The following OSER1 variants were observed in gnomAD, a reference collection of about 807,000 sequenced individuals.
OSER1 encodes the protein oxidative stress-responsive serine-rich protein 1.
Under a neutral mutation model 26.3 loss-of-function variants are expected in OSER1, and 15 were observed. The ratio of observed to expected loss-of-function variants is 0.57; its 90% CI spans 0.38 to 0.88. The LOEUF is 0.88. Ranked by LOEUF, OSER1 falls within the 40% of genes least tolerant of loss-of-function variation. OSER1 has a pLI of 0.00. For missense variants in OSER1, 313 were observed against 353.9 expected (o/e 0.88, Z 0.93); for synonymous variants, 127 against 128.2 (o/e 0.99, Z 0.07).
intron 2 of OSER1, among the ~76,000 whole-genome samples, chr20:44,203,655 C>G: frequency 6.6e-6 from 1 of 150,674 alleles, no homozygotes; most frequent in Non-Finnish European, 1.5e-5. Flanking sequence ...CCAGAGACTA[C>G]CAACATCAAA....
chr20:44,208,386 G>A (rs924824198), intron 1 of OSER1, among the ~76,000 whole-genome samples: 2 of 147,290 alleles, frequency 1.4e-5, no homozygotes, highest in African/African-American at 5.2e-5. Flanking sequence ...AGCTCTCTGG[G>A]GAACACTGAA....
In OSER1 at chr20:44,200,066, CT is replaced by C. The variant is rs1316934687; in HGVS notation, c.192-2328del. Among the ~76,000 whole-genome samples, 10 of 152,332 alleles carry C rather than the reference CT, an allele frequency of 6.6e-5. No homozygotes were observed. The East Asian group carries it at 1.9e-3, about 29-fold the overall frequency. On this transcript the variant is annotated intron_variant, in intron 3 of 3. Coordinates refer to ENST00000255174, the MANE Select transcript of OSER1 (RefSeq NM_016470.8). Reference sequence around the variant, plus strand: ...ACAGACCAGGCTAGGGGATCCTCCCCTGTCCCTATTCTCCCTGCCCGCCTTC... The same window carrying C: ...ACAGACCAGGCTAGGGGATCCTCCCCGTCCCTATTCTCCCTGCCCGCCTTC...
chr20:44,205,798 G>A (rs1465767248), intron 2 of OSER1, among the ~76,000 whole-genome samples: 1 of 152,122 alleles, frequency 6.6e-6, no homozygotes, highest in Non-Finnish European at 1.5e-5. Flanking sequence ...AAATCAGCCA[G>A]GTGTGGTTGT....
intron 1 of OSER1, among the ~76,000 whole-genome samples, chr20:44,209,010 T>C (rs1048147083): frequency 6.6e-6 from 1 of 152,268 alleles, no homozygotes; most frequent in Non-Finnish European, 1.5e-5. Flanking sequence ...ATGCTAGGGA[T>C]AGAAGCCCAA....
rs760034281 is a variant in OSER1 at position 44,203,043 on chromosome 20, T to C, written c.109A>G (p.Thr37Ala). The change falls in exon 3 of 4, where the codon ACA becomes GCA. Residue 37 changes from threonine to alanine, a missense_variant. Thr to Ala is a moderately conservative substitution (Grantham distance 58). This residue lies in a region of OSER1 where 300 missense variants were observed against 318.3 expected (regional missense o/e 0.94). Transcript: ENST00000255174. ...SVASLSVGEG[T>A]GVRAPVRTAT... The stretch of plus-strand genomic sequence containing the variant: ...GTTCTGACTGGTGCTCTGACACCTG[T>C]GCCTTCTCCAACAGACAGAGATGCT... 2.5e-6 allele frequency: 4 copies of C among 1,612,348 alleles called. No homozygotes were observed. The highest frequency in any genetic ancestry group is 2.5e-6 in the Non-Finnish European group (3 of 1,178,374).
At chr20:44,208,486 G>T (rs956610) in intron 1 of OSER1, among the ~76,000 whole-genome samples, 1 of 150,024 alleles carries the variant, frequency 6.7e-6, no homozygotes, top group Non-Finnish European at 1.5e-5. Context: ...AAATAATTTA[G>T]ATACATTCTC....
chr20:44,204,719 A>G (rs889088995), intron 2 of OSER1, among the ~76,000 whole-genome samples: 6 of 152,178 alleles, frequency 3.9e-5, no homozygotes, highest in African/African-American at 9.7e-5. Flanking sequence ...TTTAGCCCCC[A>G]CTTCTAAGTG....
rs1342595527 is a variant in OSER1, at chr20:44,196,123, AG to A, written c.*928del. Among the ~76,000 whole-genome samples, 5 of 152,124 alleles carry A rather than the reference AG, an allele frequency of 3.3e-5. No individual in the cohort carries two copies. The highest frequency in any genetic ancestry group is 2.9e-5 in the Non-Finnish European group (2 of 68,030). On this transcript the variant is annotated 3_prime_UTR_variant, in exon 4 of 4. Transcript: ENST00000255174. ...TCATCATCCAGCTGAAACCGAAGAC[AG>A]ATTTTTTTTTTACCAAACTGGAGGG...
In OSER1 at chr20:44,196,880, G is replaced by A. The variant is rs964488368; in HGVS notation, c.*172C>T. ...TTGAAGTGTATGTAAGAACTCAAGA[G>A]AGTAAGTTGAAAGAATGAAGATTAA... is the stretch of plus-strand genomic sequence containing the variant. On this transcript the variant is annotated 3_prime_UTR_variant, in exon 4 of 4. Coordinates refer to ENST00000255174, the MANE Select transcript of OSER1 (RefSeq NM_016470.8). 4 of 585,146 alleles carry A rather than the reference G, an allele frequency of 6.8e-6. No individual in the cohort carries two copies. The highest frequency in any genetic ancestry group is 2.8e-5 in the East Asian group (1 of 35,822). 36.2% of individuals were successfully genotyped at this position (585,146 alleles called of 1,614,324 possible). A position where few individuals can be genotyped will look rare whatever the true frequency, so the allele number is the denominator to read the frequency against.
intron 2 of OSER1, among the ~76,000 whole-genome samples, chr20:44,204,103 TTC>T (rs34343154): frequency 1.4e-3 from 217 of 152,360 alleles, no homozygotes; most frequent in Non-Finnish European, 2.6e-3. Flanking sequence ...TGATTTTTAC[TTC>T]TGTTTTTATC....
chr20:44,201,333 A>G lies in OSER1; in HGVS notation c.191+1628T>C, dbSNP rs146600472. ...TGAGAGGGGCGTGTGAGTGGGGAGG[A>G]CCTGGAATTGATCCCCCATGGATAC... On this transcript the variant is annotated intron_variant, in intron 3 of 3. Transcript: ENST00000255174. 7.0e-4 allele frequency among the ~76,000 whole-genome samples: 106 copies of G among 152,244 alleles called. No homozygotes were observed. The Middle Eastern group carries it at 0.02, about 29-fold the overall frequency.
At chr20:44,201,964 G>A (rs1012780236) in intron 3 of OSER1, among the ~76,000 whole-genome samples, 1 of 152,146 alleles carries the variant, frequency 6.6e-6, no homozygotes, top group African/African-American at 2.4e-5. Flanking sequence ...AAATGTAAAT[G>A]CACTAAACTC....
intron 3 of OSER1, among the ~76,000 whole-genome samples, chr20:44,201,593 AAAT>A (rs761658014): frequency 2.0e-5 from 3 of 152,256 alleles, no homozygotes; most frequent in African/African-American, 2.4e-5. Flanking sequence ...CTGTCTGCTT[AAAT>A]AATAATAAAA....
chr20:44,199,292 T>A (rs995507689), intron 3 of OSER1, among the ~76,000 whole-genome samples: 5 of 152,116 alleles, frequency 3.3e-5, no homozygotes, highest in African/African-American at 1.2e-4. Flanking sequence ...ATTAAAGGGT[T>A]ATTGAGGGAC....
chr20:44,196,977 C>A lies in OSER1; in HGVS notation c.*75G>T. On this transcript the variant is annotated 3_prime_UTR_variant, in exon 4 of 4. Coordinates refer to ENST00000255174, the MANE Select transcript of OSER1 (RefSeq NM_016470.8). ...GAGATGTCTTCTCACACAAAGTGGC[C>A]ACAAGGTCTGCCATTAACTAAATCT... 9.4e-7 allele frequency: 1 copy of A among 1,065,440 alleles called. No individual in the cohort carries two copies. Among genetic ancestry groups the A allele is most frequent in the Non-Finnish European group, 1.4e-6 (1 of 710,726 alleles). The allele number at this position is 1,065,440 out of a possible 1,614,324, so 66.0% of individuals were successfully genotyped here. A position where few individuals can be genotyped will look rare whatever the true frequency, so the allele number is the denominator to read the frequency against.
At chr20:44,206,466 G>C (rs762975481) in intron 2 of OSER1, among the ~76,000 whole-genome samples, 1 of 152,178 alleles carries the variant, frequency 6.6e-6, no homozygotes, top group African/African-American at 2.4e-5. Flanking sequence ...GTGATAGACT[G>C]AGCAATCACA....
chr20:44,203,372 T>C (rs942397695), intron 2 of OSER1, among the ~76,000 whole-genome samples: 5 of 152,190 alleles, frequency 3.3e-5, no homozygotes, highest in African/African-American at 1.2e-4. Context: ...GGCCAGAGAA[T>C]GCTAATGACA....
Position 44,196,583 on chromosome 20 carries a change from A to C in OSER1, c.*469T>G, listed in dbSNP as rs1253624051. On this transcript the variant is annotated 3_prime_UTR_variant, in exon 4 of 4. Coordinates refer to ENST00000255174, the MANE Select transcript of OSER1 (RefSeq NM_016470.8). ...TAACAAGAGAAACCTTTATAGACAC[A>C]ATATATCTTGCATTAAATCAGAGAC... The C allele has an allele frequency of 6.3e-6, 1 of 159,242 alleles. No homozygotes were observed. The highest frequency in any genetic ancestry group is 1.4e-5 in the Non-Finnish European group (1 of 71,818). 9.9% of individuals were successfully genotyped at this position (159,242 alleles called of 1,614,324 possible).
At chr20:44,203,200 T>C (rs2073001289) in intron 2 of OSER1, 126 bp from the exon 3 acceptor site, 1 of 547,844 alleles carries the variant, frequency 1.8e-6, no homozygotes, top group African/African-American at 2.0e-5. Flanking sequence ...TCTCAAAAAT[T>C]GCTCAGCTTT....
Sources: gnomAD v4.1 joint callset for allele counts (sites outside exome capture counted in the v4.1 genomes callset) on GRCh38, gnomAD v4.1.1 for gene constraint, gnomAD v4.1.1 regional missense constraint, MANE v1.5 for transcripts, NCBI Gene and HGNC (gene_info 2026-07-23, HGNC 2026-07-21) for gene names.